Variants in PDE1A observed in about 807,000 individuals in gnomAD.
PDE1A encodes dual specificity calcium/calmodulin-dependent 3',5'-cyclic nucleotide phosphodiesterase 1A.
PDE1A carries 35 observed loss-of-function variants against 61.7 expected under a neutral mutation model. The ratio of observed to expected loss-of-function variants is 0.57; its 90% CI spans 0.43 to 0.75. The LOEUF (loss-of-function observed/expected upper bound fraction) is 0.75, where lower values mean the gene tolerates loss of function less well. Among genes scored for constraint, PDE1A ranks in the 30% least tolerant of loss-of-function variants. The pLI is 0.00. For missense variants in PDE1A, 597 were observed against 630.6 expected, an observed-to-expected ratio of 0.95 and a Z score of 0.57; for synonymous variants, 232 against 213.2, an observed-to-expected ratio of 1.09 and a Z score of -0.77.
the PDE1A span, among the ~76,000 whole-genome samples, chr2:182,541,205 A>G: frequency 2.6e-5 from 4 of 152,298 alleles, no homozygotes; most frequent in South Asian, 8.3e-4. Context: ...ATTTATAAAG[A>G]CCCTTACAAT....
chr2:182,701,628 C>A, the PDE1A span, among the ~76,000 whole-genome samples: 2 of 152,132 alleles, frequency 1.3e-5, no homozygotes, highest in Non-Finnish European at 2.9e-5. Context: ...GTGATCCACC[C>A]GCCTCGGCCT....
chr2:182,685,523 G>A, the PDE1A span, among the ~76,000 whole-genome samples: 1 of 152,270 alleles, frequency 6.6e-6, no homozygotes, highest in East Asian at 1.9e-4. Flanking sequence ...GTCACTTTGT[G>A]CAAGTTATTT....
chr2:182,435,094 A>C (rs1313180027), intron 2 of PDE1A, among the ~76,000 whole-genome samples: 1 of 152,014 alleles, frequency 6.6e-6, no homozygotes, highest in Admixed American at 6.6e-5. Flanking sequence ...TCACAGCCTT[A>C]AGTGCTGCCC....
the PDE1A span, among the ~76,000 whole-genome samples, chr2:182,573,645 CGTTA>C: frequency 6.6e-6 from 1 of 151,460 alleles, no homozygotes; most frequent in Admixed American, 6.6e-5. Flanking sequence ...ATTAGCAAAT[CGTTA>C]GTAATTTCTT....
intron 2 of PDE1A, among the ~76,000 whole-genome samples, chr2:182,520,839 C>T (rs1690518866): frequency 6.6e-6 from 1 of 151,926 alleles, no homozygotes; most frequent in Non-Finnish European, 1.5e-5. Flanking sequence ...AAATCATCTG[C>T]TGACTGCTAA....
the PDE1A span, among the ~76,000 whole-genome samples, chr2:182,578,269 C>T: frequency 2.0e-5 from 3 of 152,110 alleles, no homozygotes; most frequent in African/African-American, 4.8e-5. Flanking sequence ...ATCTATTAAG[C>T]TTATCATCTG....
At chr2:182,575,528 A>T in the PDE1A span, among the ~76,000 whole-genome samples, 1 of 151,644 alleles carries the variant, frequency 6.6e-6, no homozygotes, top group Non-Finnish European at 1.5e-5. Context: ...TGCCACAGGA[A>T]CAGGAAGCAA....
chr2:182,501,795 T>G (rs768017898), intron 2 of PDE1A, among the ~76,000 whole-genome samples: 1 of 152,150 alleles, frequency 6.6e-6, no homozygotes, highest in African/African-American at 2.4e-5. Flanking sequence ...CTACCCAACT[T>G]AGATCTCATG....
chr2:182,449,535 C>T (rs376833722), intron 2 of PDE1A, among the ~76,000 whole-genome samples: 3 of 152,000 alleles, frequency 2.0e-5, no homozygotes, highest in African/African-American at 7.2e-5. Flanking sequence ...CAAATATTGT[C>T]AACAACATTT....
intron 1 of PDE1A, among the ~76,000 whole-genome samples, chr2:182,278,357 C>A (rs1358981515): frequency 6.6e-6 from 1 of 151,960 alleles, no homozygotes; most frequent in Non-Finnish European, 1.5e-5. Context: ...AGAAGATGAG[C>A]TGGAGCATAA....
chr2:182,646,362 G>A, the PDE1A span, among the ~76,000 whole-genome samples: 1 of 130,744 alleles, frequency 7.6e-6, no homozygotes, highest in African/African-American at 2.8e-5. Flanking sequence ...TGTGGCAGGA[G>A]AATCGTTTGA....
chr2:182,201,845 G>T, intron 8 of PDE1A, 56 bp from the exon 9 acceptor site: 23 of 1,028,606 alleles, frequency 2.2e-5, no homozygotes, highest in Non-Finnish European at 3.1e-5. Context: ...TTCTGAAGTG[G>T]AACACTTCAA....
intron 2 of PDE1A, among the ~76,000 whole-genome samples, chr2:182,434,193 C>T (rs1704095366): frequency 6.6e-6 from 1 of 152,010 alleles, no homozygotes; most frequent in African/African-American, 2.4e-5. Context: ...TATATTTTTT[C>T]TCATATATGT....
intron 1 of PDE1A, among the ~76,000 whole-genome samples, chr2:182,295,055 A>ATTTTTTTTTTTTTT (rs1559306033): frequency 1.3e-5 from 1 of 76,776 alleles, no homozygotes; most frequent in Non-Finnish European, 2.8e-5. Context: ...ATAAAAGGTA[A>ATTTTTTTTTTTTTT]TCTTTTTTTT....
intron 1 of PDE1A, among the ~76,000 whole-genome samples, chr2:182,400,505 C>A (rs1701943140): frequency 6.6e-6 from 1 of 152,172 alleles, no homozygotes; most frequent in Non-Finnish European, 1.5e-5. Flanking sequence ...TCCCTCCTTA[C>A]ATCTTTACCC....
chr2:182,406,213 T>G (rs1702288380), intron 1 of PDE1A, among the ~76,000 whole-genome samples: 1 of 152,092 alleles, frequency 6.6e-6, no homozygotes, highest in African/African-American at 2.4e-5. Flanking sequence ...GGCCTAAAAT[T>G]ACAAGCCATT....
At chr2:182,230,271 G>A (rs1040288083) in intron 5 of PDE1A, 125 bp from the exon 6 acceptor site, 1 of 683,988 alleles carries the variant, frequency 1.5e-6, no homozygotes, top group East Asian at 2.7e-5. Context: ...TATGTCAAAT[G>A]TTGATTGTTC....
chr2:182,291,054 T>G (rs1574266347), intron 1 of PDE1A, among the ~76,000 whole-genome samples: 1 of 152,174 alleles, frequency 6.6e-6, no homozygotes, highest in South Asian at 2.1e-4. Flanking sequence ...TCATAGCTCA[T>G]CCATTTAAAC....
chr2:182,515,904 T>C (rs1271781491), intron 2 of PDE1A, among the ~76,000 whole-genome samples: 2 of 151,382 alleles, frequency 1.3e-5, no homozygotes, highest in South Asian at 2.1e-4. Context: ...CAATGTGCCA[T>C]AGAGTGAGGC....
Sources: allele counts gnomAD v4.1 joint callset (sites outside exome capture counted in the v4.1 genomes callset), GRCh38; gene constraint gnomAD v4.1.1; transcripts MANE v1.5; gene names NCBI Gene and HGNC (gene_info 2026-07-23, HGNC 2026-07-21).